Variants in BICC1 observed in about 807,000 individuals in gnomAD.
BICC1 encodes BicC family RNA binding protein 1.
In BICC1, 43 loss-of-function variants were observed where a neutral mutation model predicts 111.0. The ratio of observed to expected loss-of-function variants is 0.39; its 90% CI spans 0.30 to 0.50. BICC1 has a LOEUF of 0.50. Among genes scored for constraint, BICC1 ranks in the 20% least tolerant of loss-of-function variants. The pLI, the probability that BICC1 is intolerant of heterozygous loss-of-function variation, is 0.88. For synonymous variants in BICC1, 467 were observed against 434.4 expected (o/e 1.07, Z -0.93); for missense variants, 1,091 against 1,203.2 (o/e 0.91, Z 1.38).
chr10:58,720,834 CAG>C (rs1213860481), intron 3 of BICC1, among the ~76,000 whole-genome samples: 1 of 152,146 alleles, frequency 6.6e-6, no homozygotes, highest in Non-Finnish European at 1.5e-5. Context: ...ACAGGAGGAT[CAG>C]AGAGTCTTTT....
At chr10:58,573,912 A>G (rs928957384) in intron 1 of BICC1, among the ~76,000 whole-genome samples, 2 of 152,286 alleles carry the variant, frequency 1.3e-5, no homozygotes, top group African/African-American at 2.4e-5. Context: ...GGAGTACCCT[A>G]TAGTATTTCT....
intron 1 of BICC1, among the ~76,000 whole-genome samples, chr10:58,567,155 GA>G (rs1287259504): frequency 6.6e-6 from 1 of 152,070 alleles, no homozygotes; most frequent in Admixed American, 6.6e-5. Flanking sequence ...GAAAGGTGGG[GA>G]AAAAGTGTTT....
chr10:58,751,069 C>G (rs978614182), intron 3 of BICC1, among the ~76,000 whole-genome samples: 87 of 152,034 alleles, frequency 5.7e-4, no homozygotes, highest in Non-Finnish European at 2.9e-4. Flanking sequence ...GGGTTTGAAA[C>G]AGAAGATGCA....
At chr10:58,519,936 C>T (rs1456846179) in intron 1 of BICC1, among the ~76,000 whole-genome samples, 1 of 152,148 alleles carries the variant, frequency 6.6e-6, no homozygotes, top group Non-Finnish European at 1.5e-5. Flanking sequence ...CCTCCCTCCT[C>T]CCACTGTCCA....
intron 3 of BICC1, among the ~76,000 whole-genome samples, chr10:58,744,899 A>G (rs1695721752): frequency 6.6e-6 from 1 of 152,162 alleles, no homozygotes; most frequent in African/African-American, 2.4e-5. Flanking sequence ...ATTACAGCAA[A>G]TGGATGAAGT....
intron 17 of BICC1, among the ~76,000 whole-genome samples, chr10:58,811,148 G>C (rs1843890433): frequency 6.6e-6 from 1 of 152,142 alleles, no homozygotes; most frequent in Non-Finnish European, 1.5e-5. Flanking sequence ...TTATGACCCT[G>C]TCCCCATATA....
intron 2 of BICC1, among the ~76,000 whole-genome samples, chr10:58,628,516 G>T (rs530837017): frequency 1.3e-5 from 2 of 152,056 alleles, no homozygotes; most frequent in Admixed American, 6.6e-5. Context: ...TTACATCTCT[G>T]TGCCTTCTTT....
intron 3 of BICC1, among the ~76,000 whole-genome samples, chr10:58,784,502 A>G (rs557504793): frequency 2.6e-5 from 4 of 152,240 alleles, no homozygotes; most frequent in African/African-American, 9.6e-5. Flanking sequence ...GAGTTGGAAG[A>G]CATTGGATTA....
rs774006530 is a variant in BICC1, at chr10:58,828,789, T to G, written c.2823T>G (p.Phe941Leu). The G allele has an allele frequency of 2.5e-6, 4 of 1,613,820 alleles. No individual in the cohort carries two copies. The East Asian group carries it at 8.9e-5, about 36-fold the overall frequency. Residue 941 changes from phenylalanine to leucine, a missense_variant, in exon 21 of 21, where the codon TTT (phenylalanine) becomes TTG (leucine). This residue lies in a region of BICC1 where 231 missense variants were observed against 256.2 expected (regional missense o/e 0.90). Coordinates refer to ENST00000373886, the MANE Select transcript of BICC1 (RefSeq NM_001080512.3). ...SELNKNRRKL[F>L]ESPNARTSFL... ...TAAATAAAAACCGAAGAAAGCTTTT[T>G]GAATCGCCAAATGCACGCACCTCTT... is the stretch of plus-strand genomic sequence containing the variant.
intron 3 of BICC1, among the ~76,000 whole-genome samples, chr10:58,729,033 T>C (rs1251661385): frequency 3.3e-5 from 5 of 152,174 alleles, no homozygotes; most frequent in Non-Finnish European, 7.3e-5. Flanking sequence ...TTCTTGAGGA[T>C]TCTGGGATTT....
intron 2 of BICC1, among the ~76,000 whole-genome samples, chr10:58,687,322 G>A (rs555354172): frequency 6.6e-6 from 1 of 152,352 alleles, no homozygotes; most frequent in African/African-American, 2.4e-5. Context: ...CAGGGATCAG[G>A]GACCCACTTG....
At chr10:58,714,545 G>T (rs1478294813) in intron 3 of BICC1, among the ~76,000 whole-genome samples, 4 of 152,124 alleles carry the variant, frequency 2.6e-5, no homozygotes, top group African/African-American at 9.7e-5. Flanking sequence ...CTACCCTCCT[G>T]GTTCATGTTG....
intron 2 of BICC1, among the ~76,000 whole-genome samples, chr10:58,647,006 A>T (rs1838289742): frequency 1.3e-5 from 2 of 152,322 alleles, no homozygotes; most frequent in South Asian, 4.1e-4. Context: ...CAGGAAGTAA[A>T]GAACAGCCAA....
At chr10:58,540,048 A>C (rs1842921589) in intron 1 of BICC1, among the ~76,000 whole-genome samples, 1 of 152,072 alleles carries the variant, frequency 6.6e-6, no homozygotes, top group South Asian at 2.1e-4. Flanking sequence ...AGATGAAATC[A>C]TGGGAAATTA....
At chr10:58,616,784 A>G (rs546504306) in intron 1 of BICC1, among the ~76,000 whole-genome samples, 2 of 152,334 alleles carry the variant, frequency 1.3e-5, no homozygotes, top group South Asian at 2.1e-4. Context: ...GTTTGCCTTC[A>G]TGGGAGGGCA....
At chr10:58,822,834 T>C (rs1162862156) in intron 20 of BICC1, among the ~76,000 whole-genome samples, 1 of 152,184 alleles carries the variant, frequency 6.6e-6, no homozygotes, top group Non-Finnish European at 1.5e-5. Flanking sequence ...AGCTGGGCAG[T>C]CTGAACTCAC....
At chr10:58,692,650 C>G (rs527629561) in intron 2 of BICC1, among the ~76,000 whole-genome samples, 2 of 152,216 alleles carry the variant, frequency 1.3e-5, no homozygotes, top group East Asian at 1.9e-4. Context: ...ATAGTGCTTT[C>G]TTTTTGTTGT....
chr10:58,605,655 T>TA (rs1845186213), intron 1 of BICC1, among the ~76,000 whole-genome samples: 2 of 152,232 alleles, frequency 1.3e-5, no homozygotes, highest in Non-Finnish European at 2.9e-5. Context: ...CTAGATTACT[T>TA]ACAATACCTG....
chr10:58,726,033 C>A (rs1841092880), intron 3 of BICC1, among the ~76,000 whole-genome samples: 1 of 152,164 alleles, frequency 6.6e-6, no homozygotes, highest in Admixed American at 6.5e-5. Context: ...TAAAAAATTT[C>A]TCTGCTGTAT....
Sources: gnomAD v4.1 joint callset for allele counts (sites outside exome capture counted in the v4.1 genomes callset) on GRCh38, gnomAD v4.1.1 for gene constraint, gnomAD v4.1.1 regional missense constraint, MANE v1.5 for transcripts, NCBI Gene and HGNC (gene_info 2026-07-23, HGNC 2026-07-21) for gene names.